Variants in PCMT1 observed in about 807,000 individuals in gnomAD.
PCMT1 encodes protein-L-isoaspartate (D-aspartate) O-methyltransferase.
In PCMT1, 9 loss-of-function variants were observed where a neutral mutation model predicts 29.2. The ratio of observed to expected loss-of-function variants is 0.31; its 90% CI spans 0.19 to 0.54. The LOEUF (loss-of-function observed/expected upper bound fraction) is 0.54. Ranked by LOEUF, PCMT1 falls within the 20% of genes least tolerant of loss-of-function variation. The pLI is 0.95. For missense variants in PCMT1, 184 were observed against 282.2 expected, an observed-to-expected ratio of 0.65 and a Z score of 2.49; for synonymous variants, 98 against 97.5, an observed-to-expected ratio of 1.00 and a Z score of -0.03.
Position 149,802,189 on chromosome 6 carries a change from T to C in PCMT1, c.505-11T>C, listed in dbSNP as rs200734491. The stretch of plus-strand genomic sequence containing the variant: ...CTTGGTGATGTATGTGCTTTTTTTT[T>C]TTTCTTTTAGCTAATAGATCAGTTA... On this transcript the variant is annotated splice_polypyrimidine_tract_variant and intron_variant, in intron 6 of 7. Coordinates refer to ENST00000464889, the MANE Select transcript of PCMT1 (RefSeq NM_001360452.2). The C allele has an allele frequency of 2.3e-5, 36 of 1,548,402 alleles. No individual in the cohort carries two copies. In the Middle Eastern group the frequency reaches 1.7e-3, roughly 75 times the overall value.
chr6:149,810,399 T>A (rs935136886), intron 7 of PCMT1, among the ~76,000 whole-genome samples: 1 of 152,218 alleles, frequency 6.6e-6, no homozygotes, highest in Non-Finnish European at 1.5e-5. Context: ...TCACGCCCTT[T>A]AGGTTGCATA....
intron 7 of PCMT1, among the ~76,000 whole-genome samples, chr6:149,804,855 T>C (rs1775961854): frequency 6.6e-6 from 1 of 152,068 alleles, no homozygotes; most frequent in Admixed American, 6.6e-5. Flanking sequence ...TTTAACTTCA[T>C]AAAAAGGTTC....
intron 7 of PCMT1, among the ~76,000 whole-genome samples, chr6:149,804,578 A>G (rs1367833471): frequency 6.6e-6 from 1 of 150,972 alleles, no homozygotes; most frequent in Non-Finnish European, 1.5e-5. Context: ...CAGTGGTGCA[A>G]TCTCAGCTCA....
rs1554251094 is a variant in PCMT1, at chr6:149,758,208, C to CTTTCTT, written c.55+8255_55+8256insCTTTTT. Among the ~76,000 whole-genome samples, 55 of 73,908 alleles carry CTTTCTT rather than the reference C, an allele frequency of 7.4e-4. 3 individuals carry two copies. The highest frequency in any genetic ancestry group is 2.1e-3 in the African/African-American group (39 of 18,900). The allele number at this position is 73,908 out of a possible 152,430, so 48.5% of individuals were successfully genotyped here. On this transcript the variant is annotated intron_variant, in intron 1 of 7. Coordinates refer to ENST00000464889, the MANE Select transcript of PCMT1 (RefSeq NM_001360452.2). ...CAATTTTTTTTTTCTTTCTTTCTTT[C>CTTTCTT]TTTTTTTTTTTTTTTTTTCTGAGAC...
At chr6:149,799,933 T>C (rs539859970) in intron 6 of PCMT1, among the ~76,000 whole-genome samples, 3 of 152,212 alleles carry the variant, frequency 2.0e-5, no homozygotes, top group African/African-American at 7.2e-5. Flanking sequence ...GGAAGCAAAA[T>C]GTAGATTAAG....
At chr6:149,750,078 A>C (rs1786239921) in intron 1 of PCMT1, 122 bp downstream of exon 1, 1 of 1,361,560 alleles carries the variant, frequency 7.3e-7, no homozygotes, top group Non-Finnish European at 9.7e-7. Context: ...TTCGGCGCAG[A>C]GTTGCCCCGG....
At chr6:149,797,672 T>A (rs1454758916) in intron 6 of PCMT1, 1 of 152,182 alleles carries the variant, frequency 6.6e-6, no homozygotes, top group Non-Finnish European at 1.5e-5. Context: ...AGATTTCTGT[T>A]ACATATGGCT....
intron 3 of PCMT1, among the ~76,000 whole-genome samples, chr6:149,785,816 CA>C (rs1293082834): frequency 3.3e-5 from 5 of 152,222 alleles, no homozygotes; most frequent in Non-Finnish European, 4.4e-5. Context: ...TCTTTCTACA[CA>C]GACACGGCAA....
chr6:149,783,563 G>A (rs995641988), intron 3 of PCMT1, among the ~76,000 whole-genome samples: 1 of 152,150 alleles, frequency 6.6e-6, no homozygotes, highest in Non-Finnish European at 1.5e-5. Context: ...TTCTTAATGT[G>A]ATGCTCTTAG....
intron 1 of PCMT1, chr6:149,750,209 T>C: frequency 1.8e-6 from 1 of 559,676 alleles, no homozygotes; most frequent in Non-Finnish European, 3.2e-6. Flanking sequence ...GGGGCAGTCG[T>C]CTCCCTGCAG....
chr6:149,767,032 A>T (rs1377684467), intron 1 of PCMT1, among the ~76,000 whole-genome samples: 2 of 151,996 alleles, frequency 1.3e-5, no homozygotes, highest in East Asian at 3.9e-4. Context: ...AACACAGTGA[A>T]ACCCTGTCTC....
intron 4 of PCMT1, among the ~76,000 whole-genome samples, chr6:149,790,699 G>A (rs1356784706): frequency 6.6e-6 from 1 of 151,920 alleles, no homozygotes; most frequent in African/African-American, 2.4e-5. Flanking sequence ...GAGAAGGAAG[G>A]CTGGAGGCTC....
chr6:149,762,926 TG>T (rs1786875969), intron 1 of PCMT1, among the ~76,000 whole-genome samples: 2 of 59,212 alleles, frequency 3.4e-5, no homozygotes, highest in Admixed American at 2.9e-4. Flanking sequence ...TATATATCTA[TG>T]ATATATATGA....
intron 1 of PCMT1, among the ~76,000 whole-genome samples, chr6:149,764,032 A>G (rs1786968000): frequency 6.6e-6 from 1 of 152,184 alleles, no homozygotes; most frequent in African/African-American, 2.4e-5. Context: ...TATGGTACCA[A>G]TTTATGAAGT....
chr6:149,777,401 T>C (rs1304866872), intron 3 of PCMT1, among the ~76,000 whole-genome samples: 3 of 152,236 alleles, frequency 2.0e-5, no homozygotes, highest in Non-Finnish European at 4.4e-5. Flanking sequence ...AGAAATCATA[T>C]GTTGAACCAC....
chr6:149,768,326 A>T (rs1787175284), intron 1 of PCMT1, among the ~76,000 whole-genome samples: 1 of 152,080 alleles, frequency 6.6e-6, no homozygotes, highest in Admixed American at 6.6e-5. Flanking sequence ...TCCTAGGCTT[A>T]AGCAATCCTT....
Position 149,752,036 on chromosome 6 carries a change from GT to G in PCMT1, c.55+2096del, listed in dbSNP as rs60405304. Among the ~76,000 whole-genome samples the G allele has an allele frequency of 2.2e-3, 264 of 122,770 alleles. 2 individuals carry two copies. Among genetic ancestry groups the G allele is most frequent in the Middle Eastern group, 9.7e-3 (2 of 206 alleles). The allele number at this position is 122,770 out of a possible 152,430, so 80.5% of individuals were successfully genotyped here. On this transcript the variant is annotated intron_variant, in intron 1 of 7. Transcript: ENST00000464889. ...CCACCATACCAGGCTAATTTTTAGGGTTTTTTTTTTTTTTTTGGTAGTTTAT... is the reference window on the plus strand; with the variant it reads ...CCACCATACCAGGCTAATTTTTAGGGTTTTTTTTTTTTTTTGGTAGTTTAT...
Position 149,749,748 on chromosome 6 carries a change from C to A in PCMT1, c.-154C>A, listed in dbSNP as rs1562390846. On this transcript the variant is annotated 5_prime_UTR_variant, in exon 1 of 8. Transcript: ENST00000464889. ...GGGGGATGCCGGGAGCGCGCAGTGG[C>A]GGCAGCGGCGGCGACGGCAGTAACA... 1 of 1,544,844 alleles carries A rather than the reference C, an allele frequency of 6.5e-7. No individual in the cohort carries two copies. Among genetic ancestry groups the A allele is most frequent in the East Asian group, 2.5e-5 (1 of 40,754 alleles).
intron 3 of PCMT1, among the ~76,000 whole-genome samples, chr6:149,780,357 G>T (rs1463367360): frequency 6.6e-6 from 1 of 150,566 alleles, no homozygotes; most frequent in East Asian, 1.9e-4. Context: ...AAAAAAAAAA[G>T]GTATAATTCT....
Sources: gnomAD v4.1 joint callset for allele counts (sites outside exome capture counted in the v4.1 genomes callset) on GRCh38, gnomAD v4.1.1 for gene constraint, MANE v1.5 for transcripts, NCBI Gene and HGNC (gene_info 2026-07-23, HGNC 2026-07-21) for gene names.